Variants in ZNF182 observed in about 807,000 individuals in gnomAD.
ZNF182 encodes the protein zinc finger protein 21 (KOX 14).
In ZNF182, 10 loss-of-function variants were observed where a neutral mutation model predicts 28.1. The observed-to-expected ratio is 0.36, with a 90% CI of 0.22 to 0.60. The LOEUF (loss-of-function observed/expected upper bound fraction) is 0.60. ZNF182 is among the 20% of genes least tolerant of loss of function. The pLI is 0.75. For synonymous variants in ZNF182, 156 were observed against 158.7 expected (o/e 0.98, Z 0.13); for missense variants, 352 against 453.2 (o/e 0.78, Z 2.03).
At chrX:47,989,371 G>A (rs1020445239) in intron 3 of ZNF182, among the ~76,000 whole-genome samples, 1 of 108,233 alleles carries the variant, frequency 9.2e-6, no homozygotes, top group African/African-American at 3.4e-5. Context: ...AGGTTGCAGT[G>A]AGCTGAGATG....
At position 47,976,493 on chromosome X, in the gene ZNF182, G is replaced by A; in HGVS notation, c.1537C>T (p.His513Tyr). The A allele has an allele frequency of 8.3e-7, 1 of 1,210,387 alleles. No individual in the cohort carries two copies. Among genetic ancestry groups the A allele is most frequent in the Non-Finnish European group, 1.1e-6 (1 of 895,098 alleles). Residue 513 changes from histidine to tyrosine, a missense_variant, in exon 6 of 6, where the codon CAT becomes TAT. Physicochemically the swap from His to Tyr is moderately conservative, Grantham distance 83. Coordinates refer to ENST00000376943, the MANE Select transcript of ZNF182 (RefSeq NM_001007088.2). The stretch of plus-strand genomic sequence containing the variant: ...TTCTCTCCTGTATGAATTCTCTGAT[G>A]TATAATGAGCTTTGACTTTTCTCTG... ...AFREKSKLII[H>Y]QRIHTGEKPY...
At chrX:47,988,668 A>G (rs1367730292) in intron 3 of ZNF182, 1 of 331,914 alleles carries the variant, frequency 3.0e-6, no homozygotes, top group Non-Finnish European at 5.3e-6. Flanking sequence ...TTCTAAAGAA[A>G]ATGTTCAGAA....
chrX:47,999,499 ATTC>A (rs1379980989), intron 3 of ZNF182, among the ~76,000 whole-genome samples: 6 of 109,529 alleles, frequency 5.5e-5, no homozygotes, highest in African/African-American at 2.0e-4. Flanking sequence ...AGCTTAAAAA[ATTC>A]TTCTCATACA....
intron 5 of ZNF182, among the ~76,000 whole-genome samples, chrX:47,978,825 C>A (rs5952463): frequency 0.49 from 55,008 of 111,373 alleles, 9,874 homozygotes; most frequent in East Asian, 0.87. Flanking sequence ...AGTAGTCAGT[C>A]ATCTGTATCA....
At chrX:47,981,581 A>G (rs1420473659) in intron 5 of ZNF182, among the ~76,000 whole-genome samples, 1 of 112,502 alleles carries the variant, frequency 8.9e-6, no homozygotes, top group African/African-American at 3.2e-5. Context: ...CAAATAATAG[A>G]TAAGAAGCAA....
chrX:47,995,514 A>G (rs2058955897), intron 3 of ZNF182, among the ~76,000 whole-genome samples: 1 of 111,911 alleles, frequency 8.9e-6, no homozygotes, highest in African/African-American at 3.3e-5. Flanking sequence ...AAACATGAAC[A>G]GATTCTGGGA....
chrX:47,987,731 C>T (rs1475946797), intron 3 of ZNF182, among the ~76,000 whole-genome samples: 1 of 111,980 alleles, frequency 8.9e-6, no homozygotes, highest in African/African-American at 3.3e-5. Flanking sequence ...TACATACACA[C>T]ATCTCTGTTC....
chrX:47,979,910 G>A (rs782600117), intron 5 of ZNF182, among the ~76,000 whole-genome samples: 3 of 86,720 alleles, frequency 3.5e-5, no homozygotes, highest in African/African-American at 1.2e-4. Context: ...TGTGTGTTAT[G>A]GTATAAGTTT....
intron 3 of ZNF182, among the ~76,000 whole-genome samples, chrX:47,985,503 A>G (rs2058920430): frequency 9.0e-6 from 1 of 111,694 alleles, no homozygotes; most frequent in African/African-American, 3.3e-5. Context: ...GAAAGTGAAC[A>G]ACAGAAGCTT....
intron 5 of ZNF182, among the ~76,000 whole-genome samples, chrX:47,979,855 AGTGTGTGTGGGGTGT>A (rs1310159885): frequency 4.6e-5 from 4 of 87,664 alleles, no homozygotes; most frequent in Admixed American, 4.1e-4. Flanking sequence ...GGGTTTTTAA[AGTGTGTGTGGGGTGT>A]GTGTGTGTGT....
intron 3 of ZNF182, among the ~76,000 whole-genome samples, chrX:47,996,376 G>A (rs1342150228): frequency 9.1e-6 from 1 of 109,925 alleles, no homozygotes; most frequent in Non-Finnish European, 1.9e-5. Flanking sequence ...TCTGTAAATA[G>A]ATATAGTAAA....
chrX:47,975,448 C>G lies in ZNF182; in HGVS notation c.*719G>C, dbSNP rs1023223749. On this transcript the variant is annotated 3_prime_UTR_variant, in exon 6 of 6. Coordinates refer to ENST00000376943, the MANE Select transcript of ZNF182 (RefSeq NM_001007088.2). ...TCCTCTTTGAATGAGAAGAGTTTTT[C>G]CTGGACTTGCTATTTGCTGGAGGTT... is the stretch of plus-strand genomic sequence containing the variant. 15 of 111,530 alleles carry G rather than the reference C, an allele frequency of 1.3e-4. No individual in the cohort carries two copies. The highest frequency in any genetic ancestry group is 4.9e-4 in the African/African-American group (15 of 30,586). 9.2% of individuals were successfully genotyped at this position (111,530 alleles called of 1,213,427 possible).
At chrX:47,990,382 T>TA (rs1299553193) in intron 3 of ZNF182, among the ~76,000 whole-genome samples, 1 of 110,990 alleles carries the variant, frequency 9.0e-6, no homozygotes, top group African/African-American at 3.3e-5. Context: ...ATGACTAACA[T>TA]AAAGACTATC....
intron 5 of ZNF182, among the ~76,000 whole-genome samples, chrX:47,981,897 C>T (rs1397666557): frequency 1.5e-4 from 4 of 27,579 alleles, no homozygotes; most frequent in Non-Finnish European, 5.8e-4. Flanking sequence ...AAGACTCTGT[C>T]TCAAAAAAAA....
At chrX:47,992,727 TTC>T (rs1556900599) in intron 3 of ZNF182, among the ~76,000 whole-genome samples, 2 of 111,367 alleles carry the variant, frequency 1.8e-5, no homozygotes, top group Non-Finnish European at 3.8e-5. Flanking sequence ...CTCCGTGACT[TTC>T]TGTGTTCTGT....
In ZNF182 at chrX:47,976,473, T is replaced by C; in HGVS notation, c.1557A>G (p.Gly519=). Residue 519 remains glycine (G), a synonymous_variant, in exon 6 of 6, where the codon GGA becomes GGG. Coordinates refer to ENST00000376943, the MANE Select transcript of ZNF182 (RefSeq NM_001007088.2). The stretch of plus-strand genomic sequence containing the variant: ...ACACAGGACATTCATAAGGTTTCTC[T>C]CCTGTATGAATTCTCTGATGTATAA... ...KLIIHQRIHT[G]EKPYECPVCW... is the part of the protein sequence containing the mutation. 1 of 1,211,582 alleles carries C rather than the reference T, an allele frequency of 8.3e-7. No individual in the cohort carries two copies. Among genetic ancestry groups the C allele is most frequent in the Non-Finnish European group, 1.1e-6 (1 of 895,469 alleles).
chrX:47,996,073 A>T (rs1323127762), intron 3 of ZNF182, among the ~76,000 whole-genome samples: 1 of 112,884 alleles, frequency 8.9e-6, no homozygotes, highest in East Asian at 2.8e-4. Context: ...AAGGAAGAAC[A>T]TCAAAGTGGT....
chrX:47,996,720 G>A (rs1352621925), intron 3 of ZNF182, among the ~76,000 whole-genome samples: 1 of 111,734 alleles, frequency 8.9e-6, no homozygotes, highest in Non-Finnish European at 1.9e-5. Flanking sequence ...AGGCAATTAA[G>A]GTTAAATGAG....
chrX:47,980,898 G>A (rs1371834698), intron 5 of ZNF182, among the ~76,000 whole-genome samples: 3 of 111,534 alleles, frequency 2.7e-5, no homozygotes, highest in South Asian at 7.4e-4. Context: ...TTTCTGCTGC[G>A]TTTCCTAATG....
Sources: gnomAD v4.1 joint callset for allele counts (sites outside exome capture counted in the v4.1 genomes callset) on GRCh38, gnomAD v4.1.1 for gene constraint, MANE v1.5 for transcripts, NCBI Gene and HGNC (gene_info 2026-07-23, HGNC 2026-07-21) for gene names.